Variants in ZBTB17 observed in about 807,000 individuals in gnomAD.
ZBTB17 encodes zinc finger and BTB domain-containing protein 17.
In ZBTB17, 24 loss-of-function variants were observed where a neutral mutation model predicts 85.1. The ratio of observed to expected loss-of-function variants is 0.28; its 90% CI spans 0.20 to 0.40. The LOEUF is 0.40. Ranked by LOEUF, ZBTB17 falls within the 10% of genes least tolerant of loss-of-function variation. The pLI is 1.00. For synonymous variants in ZBTB17, 464 were observed against 460.2 expected, an observed-to-expected ratio of 1.01 and a Z score of -0.11; for missense variants, 743 against 1,105.1, an observed-to-expected ratio of 0.67 and a Z score of 4.65.
At chr1:15,944,056 A>T (rs2071476764) in intron 9 of ZBTB17, 161 bp from the exon 10 acceptor site, 5 of 960,036 alleles carry the variant, frequency 5.2e-6, no homozygotes, top group Non-Finnish European at 8.1e-6. Context: ...CCCAGCGGTG[A>T]GAGGTAAGCC....
chr1:15,965,326 A>C (rs1464303867), intron 2 of ZBTB17, among the ~76,000 whole-genome samples: 1 of 152,114 alleles, frequency 6.6e-6, no homozygotes, highest in East Asian at 1.9e-4. Context: ...GTTTCCGAGA[A>C]GATGAAATCT....
rs1211757044 is a variant in ZBTB17, at chr1:15,968,511, T to G, written c.-3+4528A>C. On this transcript the variant is annotated intron_variant, in intron 2 of 15. Transcript: ENST00000375743. ...GTGTTAATAGAGATCAAAAACAGGA[T>G]GCTAAGAAGTCGCAGGGGAGGGGCT... Among the ~76,000 whole-genome samples, 3 of 152,258 alleles carry G rather than the reference T, an allele frequency of 2.0e-5. No individual in the cohort carries two copies. The East Asian group carries it at 5.8e-4, about 29-fold the overall frequency.
intron 3 of ZBTB17, among the ~76,000 whole-genome samples, chr1:15,947,925 C>A (rs1340045405): frequency 6.6e-6 from 1 of 152,258 alleles, no homozygotes; most frequent in Non-Finnish European, 1.5e-5. Context: ...TCACCTCTCC[C>A]CACGCTTCTA....
At chr1:15,948,636 G>A (rs2071709576) in intron 2 of ZBTB17, 139 bp from the exon 3 acceptor site, 2 of 911,704 alleles carry the variant, frequency 2.2e-6, no homozygotes, top group African/African-American at 1.7e-5. Context: ...CCACAAAAGG[G>A]CAGTTCAGTC....
intron 14 of ZBTB17, 35 bp downstream of exon 14, chr1:15,942,494 G>A: frequency 6.2e-7 from 1 of 1,610,120 alleles, no homozygotes; most frequent in Non-Finnish European, 8.5e-7. Flanking sequence ...GCAGCAAGCT[G>A]CCTGTGACTT....
At position 15,971,497 on chromosome 1, in the gene ZBTB17, A is replaced by ATACACACAC. The variant is rs1315009776; in HGVS notation, c.-3+1541_-3+1542insGTGTGTGTA. Among the ~76,000 whole-genome samples the ATACACACAC allele has an allele frequency of 2.3e-4, 16 of 68,626 alleles. 3 individuals are homozygous for ATACACACAC. Among genetic ancestry groups the ATACACACAC allele is most frequent in the Non-Finnish European group, 3.8e-4 (14 of 36,702 alleles). The allele number at this position is 68,626 out of a possible 152,430, so 45.0% of individuals were successfully genotyped here. Reference sequence around the variant, plus strand: ...CACTATATATATACACACACTATATATATATACACACACACTATATATATA... The same window carrying ATACACACAC: ...CACTATATATATACACACACTATATATACACACACTATATACACACACACTATATATATA... On this transcript the variant is annotated intron_variant, in intron 2 of 15. Transcript: ENST00000375743.
Position 15,943,717 on chromosome 1 carries a change from T to C in ZBTB17, c.1460-2A>G. 1.2e-6 allele frequency: 2 copies of C among 1,613,170 alleles called. No homozygotes were observed. On this transcript the variant is annotated splice_acceptor_variant, in intron 10 of 15. Transcript: ENST00000375743. LOFTEE classifies it high-confidence loss of function. ...TCCGAAGGTGCCGCTTCAGGTTCCC[T>C]GTGGCGAGACCGAGGGCGAACCTGG...
intron 2 of ZBTB17, among the ~76,000 whole-genome samples, chr1:15,971,732 A>G (rs1570225913): frequency 6.6e-6 from 1 of 151,834 alleles, no homozygotes; most frequent in East Asian, 1.9e-4. Flanking sequence ...AATTCTGTGA[A>G]TTACCTGCCT....
At chr1:15,960,412 A>T (rs2072215516) in intron 2 of ZBTB17, among the ~76,000 whole-genome samples, 2 of 152,202 alleles carry the variant, frequency 1.3e-5, no homozygotes, top group Admixed American at 6.5e-5. Flanking sequence ...TTAATTTTTT[A>T]AAAAAGAAAA....
intron 2 of ZBTB17, among the ~76,000 whole-genome samples, chr1:15,971,559 TAC>T (rs1325133845): frequency 2.8e-5 from 4 of 144,656 alleles, no homozygotes; most frequent in Non-Finnish European, 3.0e-5. Context: ...ACTATATATA[TAC>T]ACACACACTA....
Position 15,976,039 on chromosome 1 carries a change from G to C in ZBTB17, c.-146C>G, listed in dbSNP as rs182641897. The C allele has an allele frequency of 7.5e-5, 52 of 695,306 alleles. 1 individual carries two copies. The Admixed American group carries it at 7.5e-4, about 10-fold the overall frequency. 43.1% of individuals were successfully genotyped at this position (695,306 alleles called of 1,614,324 possible). ...GGTGCATCACGGCCGCGAGAAGGCC[G>C]GGGACGGCACTCCAGAGCAGACAAA... On this transcript the variant is annotated 5_prime_UTR_variant, in exon 1 of 16. Transcript: ENST00000375743.
intron 2 of ZBTB17, among the ~76,000 whole-genome samples, chr1:15,948,720 G>A (rs537478906): frequency 6.6e-6 from 1 of 152,274 alleles, no homozygotes; most frequent in African/African-American, 2.4e-5. Context: ...CAGGAAAAGT[G>A]GCCCAAACCA....
At position 15,966,886 on chromosome 1, in the gene ZBTB17, C is replaced by T. The variant is rs924279138; in HGVS notation, c.-3+6153G>A. On this transcript the variant is annotated intron_variant, in intron 2 of 15. Coordinates refer to ENST00000375743, the MANE Select transcript of ZBTB17 (RefSeq NM_003443.3). This position sits in a 1 kb window ranked among gnomAD's most constrained non-coding sequence, Gnocchi z 4.1. ...TCCCAGCACTGCACTCCAACCTGGG[C>T]GAAAGAGCGAGACCCTGTCTCAAAA... Among the ~76,000 whole-genome samples the T allele has an allele frequency of 1.4e-4, 21 of 147,998 alleles. No homozygotes were observed. The highest frequency in any genetic ancestry group is 2.1e-4 in the Non-Finnish European group (14 of 67,356).
At chr1:15,958,202 A>G (rs950221371) in intron 2 of ZBTB17, among the ~76,000 whole-genome samples, 4 of 152,222 alleles carry the variant, frequency 2.6e-5, no homozygotes, top group East Asian at 1.9e-4. Context: ...GTAGAACTAG[A>G]TATTACTTCT....
rs1362774657 is a variant in ZBTB17, at chr1:15,942,347, C to T, written c.2112G>A (p.Lys704=). Residue 704 remains lysine, a synonymous_variant, in exon 15 of 16, where the codon AAG becomes AAA. Coordinates refer to ENST00000375743, the MANE Select transcript of ZBTB17 (RefSeq NM_003443.3). Reference sequence around the variant, plus strand: ...CCCCCTCACCTTCTTCCTGCACTTGCTTCACAGCTTTGCTGATCTCGGCCT... The same window carrying T: ...CCCCCTCACCTTCTTCCTGCACTTGTTTCACAGCTTTGCTGATCTCGGCCT... ...VLKAEISKAV[K]QVQEEDPNTH... 6.2e-7 allele frequency: 1 copy of T among 1,613,970 alleles called. No individual in the cohort carries two copies. The highest frequency in any genetic ancestry group is 2.2e-5 in the East Asian group (1 of 44,892).
chr1:15,944,155 C>G, intron 9 of ZBTB17, 145 bp downstream of exon 9: 1 of 1,278,798 alleles, frequency 7.8e-7, no homozygotes, highest in Non-Finnish European at 1.1e-6. Context: ...GGAAGTGGCT[C>G]TCGCTGCGCC....
Position 15,951,130 on chromosome 1 carries a change from A to G in ZBTB17, c.-2-2633T>C, listed in dbSNP as rs2071819084. Among the ~76,000 whole-genome samples the G allele has an allele frequency of 6.6e-6, 1 of 152,232 alleles. No homozygotes were observed. The highest frequency in any genetic ancestry group is 1.5e-5 in the Non-Finnish European group (1 of 68,034). The stretch of plus-strand genomic sequence containing the variant: ...CTTTTCCAATGCAAGATGCCCGCCC[A>G]GAAGTGGGCTCCTCCCACACACGGG... On this transcript the variant is annotated intron_variant, in intron 2 of 15. Transcript: ENST00000375743. The surrounding 1 kb of genome is among the most constrained non-coding windows in gnomAD (Gnocchi z 4.1).
chr1:15,973,414 A>G lies in ZBTB17; in HGVS notation c.-89-289T>C, dbSNP rs1557801690. ...GGAAAAACGACAAGGTTTGTATCCA[A>G]GCATTACTGCAGCATTGGCACTGCT... On this transcript the variant is annotated intron_variant, in intron 1 of 15. Transcript: ENST00000375743. This position sits in a 1 kb window ranked among gnomAD's most constrained non-coding sequence, Gnocchi z 4.1. Among the ~76,000 whole-genome samples the G allele has an allele frequency of 6.6e-6, 1 of 152,212 alleles. No homozygotes were observed. Among genetic ancestry groups the G allele is most frequent in the African/African-American group, 2.4e-5 (1 of 41,454 alleles).
chr1:15,955,165 A>C (rs916307351), intron 2 of ZBTB17, among the ~76,000 whole-genome samples: 1 of 152,126 alleles, frequency 6.6e-6, no homozygotes, highest in Admixed American at 6.6e-5. Context: ...AAAAACAAAC[A>C]AACAAACAAA....
Sources: allele counts gnomAD v4.1 joint callset (sites outside exome capture counted in the v4.1 genomes callset), GRCh38; gene constraint gnomAD v4.1.1; non-coding constraint Gnocchi (gnomAD v3.1); transcripts MANE v1.5; gene names NCBI Gene and HGNC (gene_info 2026-07-23, HGNC 2026-07-21).